Variants in SLC38A12 observed in about 807,000 individuals in gnomAD.
The protein encoded by SLC38A12 is solute carrier family 38 member 12.
the SLC38A12 span, among the ~76,000 whole-genome samples, chr17:74,828,190 G>C: frequency 6.6e-6 from 1 of 152,218 alleles, no homozygotes; most frequent in Non-Finnish European, 1.5e-5. Context: ...GGGGAGCAGG[G>C]AATGGCACGG....
chr17:74,793,301 T>C, the SLC38A12 span, among the ~76,000 whole-genome samples: 1 of 152,124 alleles, frequency 6.6e-6, no homozygotes, highest in Admixed American at 6.5e-5. Context: ...CAGTAGCACC[T>C]CCTACTTATG....
chr17:74,808,169 A>G, the SLC38A12 span, among the ~76,000 whole-genome samples: 1 of 152,256 alleles, frequency 6.6e-6, no homozygotes, highest in African/African-American at 2.4e-5. Context: ...ATGAGAGGCC[A>G]GGCCAAGGCC....
the SLC38A12 span, among the ~76,000 whole-genome samples, chr17:74,804,530 G>A: frequency 5.1e-4 from 78 of 152,356 alleles, no homozygotes; most frequent in Non-Finnish European, 9.7e-4. Flanking sequence ...GGATGAATTA[G>A]CATAAGCCCG....
the SLC38A12 span, chr17:74,795,549 G>C: frequency 6.2e-7 from 1 of 1,614,052 alleles, no homozygotes; most frequent in Non-Finnish European, 8.5e-7. Context: ...TGACTCCTGC[G>C]GTGTGGAAGC....
chr17:74,822,168 C>T, the SLC38A12 span, among the ~76,000 whole-genome samples: 1 of 152,228 alleles, frequency 6.6e-6, no homozygotes, highest in Admixed American at 6.5e-5. Context: ...AGGAGACCAG[C>T]TGTATCCCTG....
chr17:74,839,227 G>A, the SLC38A12 span: 35 of 1,442,902 alleles, frequency 2.4e-5, no homozygotes, highest in Non-Finnish European at 2.6e-5. Context: ...TGGTGGAGGT[G>A]GGCAGTGGCA....
chr17:74,826,122 T>C, the SLC38A12 span, among the ~76,000 whole-genome samples: 1 of 152,192 alleles, frequency 6.6e-6, no homozygotes, highest in Admixed American at 6.5e-5. Flanking sequence ...TCCCAATGAT[T>C]GCACACTGAG....
the SLC38A12 span, chr17:74,839,301 G>A: frequency 4.3e-6 from 4 of 931,590 alleles, no homozygotes; most frequent in Admixed American, 8.9e-5. Flanking sequence ...CTCGGCAACA[G>A]GCAAAGGCCA....
At chr17:74,789,443 T>C in the SLC38A12 span, among the ~76,000 whole-genome samples, 2 of 151,408 alleles carry the variant, frequency 1.3e-5, no homozygotes, top group Non-Finnish European at 2.9e-5. Flanking sequence ...GGCACAAGAA[T>C]TGCGTGAATC....
chr17:74,785,439 T>C, the SLC38A12 span: 59 of 1,595,158 alleles, frequency 3.7e-5, no homozygotes, highest in Non-Finnish European at 4.5e-5. Context: ...AGGGGAGAAG[T>C]TGATTAAGTT....
the SLC38A12 span, chr17:74,785,551 A>G: frequency 6.2e-7 from 1 of 1,614,204 alleles, no homozygotes; most frequent in Non-Finnish European, 8.5e-7. Context: ...GGCATTCGCC[A>G]CTGCCGGGTG....
the SLC38A12 span, chr17:74,795,747 T>G: frequency 2.6e-6 from 2 of 782,230 alleles, no homozygotes; most frequent in East Asian, 5.4e-5. Context: ...GATCTACTCT[T>G]CTCCACACTC....
At chr17:74,815,244 G>A in the SLC38A12 span, among the ~76,000 whole-genome samples, 1 of 152,158 alleles carries the variant, frequency 6.6e-6, no homozygotes, top group East Asian at 1.9e-4. Flanking sequence ...GCAGAGTGTG[G>A]AGGGGCTGCA....
At chr17:74,810,701 C>T in the SLC38A12 span, among the ~76,000 whole-genome samples, 790 of 152,366 alleles carry the variant, frequency 5.2e-3, 6 homozygotes, top group African/African-American at 0.018. Context: ...AGGGGCGCTG[C>T]TCACCCTCTG....
the SLC38A12 span, among the ~76,000 whole-genome samples, chr17:74,818,416 A>T: frequency 6.6e-6 from 1 of 152,080 alleles, no homozygotes; most frequent in Non-Finnish European, 1.5e-5. Flanking sequence ...CCTTTCCTTA[A>T]GCGGCACTTC....
the SLC38A12 span, among the ~76,000 whole-genome samples, chr17:74,834,394 C>A: frequency 6.6e-6 from 1 of 152,060 alleles, no homozygotes; most frequent in South Asian, 2.1e-4. Flanking sequence ...ATCTTCTTTA[C>A]CGGCAATTTT....
the SLC38A12 span, among the ~76,000 whole-genome samples, chr17:74,778,639 CTTTTTTTTTTTTTT>C: frequency 1.3e-5 from 1 of 75,816 alleles, no homozygotes; most frequent in South Asian, 5.0e-4. Context: ...CAGGGGAAGT[CTTTTTTTTTTTTTT>C]TTTTTTTTTT....
the SLC38A12 span, among the ~76,000 whole-genome samples, chr17:74,787,272 C>T: frequency 4.6e-5 from 7 of 152,004 alleles, no homozygotes; most frequent in Non-Finnish European, 1.0e-4. Flanking sequence ...CAACCCTTGT[C>T]AACACTCAGG....
chr17:74,802,742 G>T, the SLC38A12 span, among the ~76,000 whole-genome samples: 1 of 152,180 alleles, frequency 6.6e-6, no homozygotes, highest in Admixed American at 6.5e-5. Flanking sequence ...AAAAGTTTCA[G>T]ATTTTGGAGC....
Sources: allele counts gnomAD v4.1 joint callset (sites outside exome capture counted in the v4.1 genomes callset), GRCh38; gene constraint gnomAD v4.1.1; transcripts MANE v1.5; gene names NCBI Gene and HGNC (gene_info 2026-07-23, HGNC 2026-07-21).